The following PCDH11X variants were observed in gnomAD, a reference collection of about 807,000 sequenced individuals.
PCDH11X encodes protocadherin-11 X-linked.
Under a neutral mutation model 53.3 loss-of-function variants are expected in PCDH11X, and 18 were observed. That is an observed-to-expected ratio of 0.34 (90% CI 0.23 to 0.50). PCDH11X has a LOEUF of 0.50. PCDH11X is among the 20% of genes least tolerant of loss of function. PCDH11X has a pLI of 0.98. For missense variants in PCDH11X, 570 were observed against 1,032.4 expected (o/e 0.55, Z 6.14); for synonymous variants, 279 against 393.3 (o/e 0.71, Z 3.44).
chrX:92,524,264 G>A (rs1215898252), intron 10 of PCDH11X, among the ~76,000 whole-genome samples: 1 of 107,418 alleles, frequency 9.3e-6, no homozygotes, highest in Non-Finnish European at 1.9e-5. Flanking sequence ...CTAGAGTTGC[G>A]AATCGGGGTT....
rs1490671091 is a variant in PCDH11X, at chrX:92,311,149, C to T, written c.3144+48006C>T. Among the ~76,000 whole-genome samples, 12 of 110,291 alleles carry T rather than the reference C, an allele frequency of 1.1e-4. No homozygotes were observed. The East Asian group carries it at 2.9e-3, about 26-fold the overall frequency. ...AATGTAAAATGAGGATGATACCAAT[C>T]GTTCGATGATTTATAAAGTAGGAAA... On this transcript the variant is annotated intron_variant, in intron 8 of 10. Coordinates refer to ENST00000682573, the MANE Select transcript of PCDH11X (RefSeq NM_032968.5).
intron 10 of PCDH11X, among the ~76,000 whole-genome samples, chrX:92,611,868 G>A (rs112099376): frequency 0.02 from 2,083 of 104,960 alleles, 27 homozygotes; most frequent in Middle Eastern, 0.095. Context: ...CTGTTTATGC[G>A]GTGAATCACA....
At chrX:91,997,213 T>A (rs1380794879) in intron 6 of PCDH11X, among the ~76,000 whole-genome samples, 17 of 110,737 alleles carry the variant, frequency 1.5e-4, no homozygotes, top group Non-Finnish European at 3.0e-4. Context: ...GTCTTTTTTT[T>A]TCTTGTTTAA....
chrX:92,282,097 G>A (rs1437385217), intron 8 of PCDH11X, among the ~76,000 whole-genome samples: 1 of 110,892 alleles, frequency 9.0e-6, no homozygotes, highest in East Asian at 2.8e-4. Context: ...AGGAGGAAAA[G>A]CAAAAGAGTG....
intron 6 of PCDH11X, among the ~76,000 whole-genome samples, chrX:92,046,591 G>C (rs1401722188): frequency 1.8e-5 from 2 of 111,173 alleles, no homozygotes; most frequent in Non-Finnish European, 3.8e-5. Flanking sequence ...GCTCCACATA[G>C]TGTGTGTTGG....
chrX:92,162,934 G>A (rs1263103257), intron 6 of PCDH11X, among the ~76,000 whole-genome samples: 1 of 105,315 alleles, frequency 9.5e-6, no homozygotes, highest in Non-Finnish European at 1.9e-5. Context: ...TACCAAGGTG[G>A]GTAGGGAAGG....
At chrX:92,082,062 T>A (rs1050020469) in intron 6 of PCDH11X, among the ~76,000 whole-genome samples, 21 of 110,978 alleles carry the variant, frequency 1.9e-4, no homozygotes, top group Admixed American at 1.9e-4. Flanking sequence ...TAGAATAGTT[T>A]AACAATTTTT....
At chrX:92,139,949 A>T (rs1439502875) in intron 6 of PCDH11X, among the ~76,000 whole-genome samples, 1 of 109,458 alleles carries the variant, frequency 9.1e-6, no homozygotes, top group Non-Finnish European at 1.9e-5. Context: ...AAAGGATTAA[A>T]ATTACCTACT....
At chrX:91,851,775 G>C (rs1384812594) in intron 5 of PCDH11X, among the ~76,000 whole-genome samples, 3 of 111,416 alleles carry the variant, frequency 2.7e-5, no homozygotes, top group African/African-American at 9.8e-5. Flanking sequence ...TTTTACATAT[G>C]CATTGATTTT....
At chrX:92,434,300 C>T (rs1205186333) in intron 9 of PCDH11X, among the ~76,000 whole-genome samples, 3 of 108,879 alleles carry the variant, frequency 2.8e-5, no homozygotes, top group African/African-American at 1.0e-4. Flanking sequence ...TCATAACTAT[C>T]AAACATATTT....
intron 8 of PCDH11X, among the ~76,000 whole-genome samples, chrX:92,317,620 A>G (rs1327852672): frequency 9.0e-6 from 1 of 111,492 alleles, no homozygotes; most frequent in Non-Finnish European, 1.9e-5. Context: ...CATATTTTGA[A>G]CCAAGATTTA....
chrX:92,560,049 CCTT>C (rs2075109760), intron 10 of PCDH11X, among the ~76,000 whole-genome samples: 1 of 111,520 alleles, frequency 9.0e-6, no homozygotes, highest in South Asian at 3.8e-4. Flanking sequence ...GTGACTCCTT[CCTT>C]CTTCTTAAGG....
At chrX:91,999,833 G>A (rs1477930556) in intron 6 of PCDH11X, among the ~76,000 whole-genome samples, 1 of 111,169 alleles carries the variant, frequency 9.0e-6, no homozygotes, top group Non-Finnish European at 1.9e-5. Flanking sequence ...CTACCAAACT[G>A]TATGTCCTTG....
At chrX:91,914,862 G>A (rs1941499905) in intron 6 of PCDH11X, among the ~76,000 whole-genome samples, 1 of 111,389 alleles carries the variant, frequency 9.0e-6, no homozygotes, top group South Asian at 3.8e-4. Context: ...TCTTGCTAGA[G>A]GTCTAGACAT....
intron 8 of PCDH11X, among the ~76,000 whole-genome samples, chrX:92,318,628 G>T (rs2069131854): frequency 9.0e-6 from 1 of 111,516 alleles, no homozygotes; most frequent in Non-Finnish European, 1.9e-5. Context: ...ATGGATGTAG[G>T]ACAGCACCAT....
rs1361264096 is a variant in PCDH11X, at chrX:92,288,431, C to T, written c.3144+25288C>T. On this transcript the variant is annotated intron_variant, in intron 8 of 10. Coordinates refer to ENST00000682573, the MANE Select transcript of PCDH11X (RefSeq NM_032968.5). ...TTGAGACAGAGTCTTGCTCTGTCGCCCAGGCTGGAGTGCAGTGGCAGCCTC... is the reference window on the plus strand; with the variant it reads ...TTGAGACAGAGTCTTGCTCTGTCGCTCAGGCTGGAGTGCAGTGGCAGCCTC... 3.8e-5 allele frequency among the ~76,000 whole-genome samples: 4 copies of T among 104,977 alleles called. No individual in the cohort carries two copies. In the Admixed American group the frequency reaches 4.1e-4, roughly 11 times the overall value. 91.2% of individuals were successfully genotyped at this position (104,977 alleles called of 115,157 possible). A position where few individuals can be genotyped will look rare whatever the true frequency, so the allele number is the denominator to read the frequency against.
intron 4 of PCDH11X, among the ~76,000 whole-genome samples, chrX:91,824,222 A>G (rs376645432): frequency 1.8e-5 from 2 of 110,901 alleles, no homozygotes; most frequent in East Asian, 2.8e-4. Context: ...ATGTTGGCCT[A>G]CCTTGCTAGA....
At chrX:92,074,824 T>C (rs1287158832) in intron 6 of PCDH11X, among the ~76,000 whole-genome samples, 1 of 112,386 alleles carries the variant, frequency 8.9e-6, no homozygotes, top group Non-Finnish European at 1.9e-5. Context: ...GAAATTGTCA[T>C]TTTATTTTCT....
rs569582958 is a variant in PCDH11X, at chrX:91,903,711, GA to G, written c.3033+24445del. On this transcript the variant is annotated intron_variant, in intron 6 of 10. Transcript: ENST00000682573. ...TGTGCGTGTATAAAATATTTGAGTAGAAAAAAATGTGATAACAAATATTTTG... is the reference window on the plus strand; with the variant it reads ...TGTGCGTGTATAAAATATTTGAGTAGAAAAAATGTGATAACAAATATTTTG... 1.4e-3 allele frequency among the ~76,000 whole-genome samples: 145 copies of G among 106,016 alleles called. 3 individuals are homozygous for G. The South Asian group carries it at 0.062, about 45-fold the overall frequency. The allele number at this position is 106,016 out of a possible 115,157, so 92.1% of individuals were successfully genotyped here. A position where few individuals can be genotyped will look rare whatever the true frequency, so the allele number is the denominator to read the frequency against.
Sources: allele counts gnomAD v4.1 joint callset (sites outside exome capture counted in the v4.1 genomes callset), GRCh38; gene constraint gnomAD v4.1.1; transcripts MANE v1.5; gene names NCBI Gene and HGNC (gene_info 2026-07-23, HGNC 2026-07-21).